Variants in IGSF23 observed in about 807,000 individuals in gnomAD.
IGSF23 encodes the protein immunoglobulin superfamily, member 23.
In IGSF23, 14 loss-of-function variants were observed where a neutral mutation model predicts 17.8. The observed-to-expected ratio is 0.79, with a 90% CI of 0.52 to 1.23. The LOEUF is 1.23. Ranked by LOEUF, IGSF23 falls within the 50% of genes most tolerant of loss-of-function variation. The probability of loss-of-function intolerance (pLI) is 0.00; values close to 1 mark genes in which losing one functional copy is unlikely to be tolerated. For missense variants in IGSF23, 214 were observed against 241.7 expected (o/e 0.89, Z 0.76); for synonymous variants, 85 against 92.5 (o/e 0.92, Z 0.46).
chr19:44,621,809 ATTTCT>A (rs1019113626), intron 1 of IGSF23, among the ~76,000 whole-genome samples: 17 of 152,060 alleles, frequency 1.1e-4, no homozygotes, highest in African/African-American at 4.1e-4. Flanking sequence ...TTTCTATAAT[ATTTCT>A]TTTCATGTTT....
intron 1 of IGSF23, among the ~76,000 whole-genome samples, chr19:44,614,162 C>T (rs1972315639): frequency 6.6e-6 from 1 of 152,042 alleles, no homozygotes; most frequent in African/African-American, 2.4e-5. Flanking sequence ...CAAGAGATGA[C>T]CCTATTGGCT....
chr19:44,636,160 C>T (rs1024908538), intron 4 of IGSF23, among the ~76,000 whole-genome samples: 2 of 152,146 alleles, frequency 1.3e-5, no homozygotes, highest in African/African-American at 4.8e-5. Context: ...AATGGACATG[C>T]CATCACTTCT....
intron 3 of IGSF23, among the ~76,000 whole-genome samples, chr19:44,633,142 G>A (rs554059420): frequency 6.6e-5 from 10 of 152,290 alleles, no homozygotes; most frequent in African/African-American, 1.9e-4. Context: ...AATGCAAACC[G>A]TTCACAGTCT....
intron 1 of IGSF23, 131 bp from the exon 2 acceptor site, chr19:44,623,576 A>C: frequency 2.0e-6 from 2 of 986,350 alleles, no homozygotes; most frequent in Non-Finnish European, 3.0e-6. Context: ...CTCTTCAAAC[A>C]CATTCATGGG....
chr19:44,618,776 G>A (rs1972445183), intron 1 of IGSF23, among the ~76,000 whole-genome samples: 1 of 152,116 alleles, frequency 6.6e-6, no homozygotes, highest in African/African-American at 2.4e-5. Flanking sequence ...AACTCCTTCA[G>A]GCCCAGGCTC....
intron 1 of IGSF23, among the ~76,000 whole-genome samples, chr19:44,614,850 T>C (rs1201206572): frequency 6.6e-6 from 1 of 152,234 alleles, no homozygotes; most frequent in Non-Finnish European, 1.5e-5. Context: ...AGAGAGGTCA[T>C]GTGCCCTCTC....
chr19:44,632,832 G>A (rs565176235), intron 3 of IGSF23, among the ~76,000 whole-genome samples: 184 of 151,988 alleles, frequency 1.2e-3, no homozygotes, highest in African/African-American at 4.2e-3. Context: ...TGTATGGGCT[G>A]TCCCATAATC....
At chr19:44,627,624 A>C in intron 3 of IGSF23, 51 bp downstream of exon 3, 2 of 1,510,222 alleles carry the variant, frequency 1.3e-6, no homozygotes, top group Non-Finnish European at 1.8e-6. Context: ...CTCAGCCCCC[A>C]TGGGGCACAG....
rs182918713 is a variant in IGSF23 at position 44,634,958 on chromosome 19, G to A, written c.546-443G>A. ...CAATAAACCTCAGCCATGTGATGAT[G>A]ATGATTGTATTAGTTTGCTCCAGCT... On this transcript the variant is annotated intron_variant, in intron 3 of 4. Coordinates refer to ENST00000402988, the MANE Select transcript of IGSF23 (RefSeq NM_001205280.2). Among the ~76,000 whole-genome samples, 863 of 152,268 alleles carry A rather than the reference G, an allele frequency of 5.7e-3. 6 individuals are homozygous for A. Among genetic ancestry groups the A allele is most frequent in the Non-Finnish European group, 8.0e-3 (542 of 68,016 alleles).
At chr19:44,615,400 G>C (rs1972349713) in intron 1 of IGSF23, among the ~76,000 whole-genome samples, 1 of 151,890 alleles carries the variant, frequency 6.6e-6, no homozygotes, top group Non-Finnish European at 1.5e-5. Flanking sequence ...AAGGCGGGCG[G>C]ATCATCTGAG....
chr19:44,623,689 C>T lies in IGSF23; in HGVS notation c.126-18C>T. Reference sequence around the variant, plus strand: ...TGGACTCCACTCTTGTGGCCTTGTTCCCTGTTTGCACAGACAGCCTCCAAC... The same window carrying T: ...TGGACTCCACTCTTGTGGCCTTGTTTCCTGTTTGCACAGACAGCCTCCAAC... On this transcript the variant is annotated intron_variant, in intron 1 of 4. Transcript: ENST00000402988. The T allele has an allele frequency of 6.5e-7, 1 of 1,550,382 alleles. No individual in the cohort carries two copies. The highest frequency in any genetic ancestry group is 8.7e-7 in the Non-Finnish European group (1 of 1,146,526).
intron 3 of IGSF23, 105 bp downstream of exon 3, chr19:44,627,678 C>G: frequency 7.6e-7 from 1 of 1,312,120 alleles, no homozygotes; most frequent in Admixed American, 2.5e-5. Context: ...ACACCCCCAT[C>G]AGGGAGGGTG....
At chr19:44,614,423 T>G (rs2123711739) in intron 1 of IGSF23, among the ~76,000 whole-genome samples, 1 of 151,562 alleles carries the variant, frequency 6.6e-6, no homozygotes, top group Non-Finnish European at 1.5e-5. Context: ...CTGTTTGGGG[T>G]TTTTGTTTTT....
intron 1 of IGSF23, among the ~76,000 whole-genome samples, chr19:44,619,561 A>T (rs536942270): frequency 5.9e-5 from 9 of 152,226 alleles, no homozygotes; most frequent in Admixed American, 1.3e-4. Context: ...AAAATACTCT[A>T]GGCTTAATCA....
chr19:44,624,956 G>A (rs1463517779), intron 2 of IGSF23, among the ~76,000 whole-genome samples: 1 of 150,564 alleles, frequency 6.6e-6, no homozygotes, highest in African/African-American at 2.5e-5. Context: ...AATGCCACCT[G>A]TAGTCCCAGC....
chr19:44,624,702 A>G (rs1338315346), intron 2 of IGSF23, among the ~76,000 whole-genome samples: 1 of 152,042 alleles, frequency 6.6e-6, no homozygotes, highest in African/African-American at 2.4e-5. Context: ...TGCTTGTTAC[A>G]TGAACATGGG....
At chr19:44,623,056 A>G (rs846855) in intron 1 of IGSF23, among the ~76,000 whole-genome samples, 19,395 of 151,852 alleles carry the variant, frequency 0.13, 1,680 homozygotes, top group East Asian at 0.37. Flanking sequence ...TCCTCACTCA[A>G]TCGTAAGTTT....
intron 2 of IGSF23, among the ~76,000 whole-genome samples, chr19:44,624,858 T>TA (rs1972606708): frequency 7.6e-6 from 1 of 131,868 alleles, no homozygotes; most frequent in Admixed American, 8.7e-5. Flanking sequence ...GCCCAGGAGT[T>TA]AGAGACCAAC....
Position 44,617,839 on chromosome 19 carries a change from T to TA in IGSF23, c.125+4070dup, listed in dbSNP as rs1972419919. Among the ~76,000 whole-genome samples the TA allele has an allele frequency of 2.0e-5, 3 of 152,050 alleles. 1 individual carries two copies. The South Asian group carries it at 6.2e-4, about 32-fold the overall frequency. On this transcript the variant is annotated intron_variant, in intron 1 of 4. Transcript: ENST00000402988. ...ACTGTAGGACTAATCCCTTCAAGCT[T>TA]ACTCCCCCGCTGCCCTCTCCTCTTC...
Sources: gnomAD v4.1 joint callset for allele counts (sites outside exome capture counted in the v4.1 genomes callset) on GRCh38, gnomAD v4.1.1 for gene constraint, MANE v1.5 for transcripts, NCBI Gene and HGNC (gene_info 2026-07-23, HGNC 2026-07-21) for gene names.